The following KDM4C variants were observed in gnomAD, a reference collection of about 807,000 sequenced individuals.
KDM4C encodes lysine demethylase 4C.
In KDM4C, 81 loss-of-function variants were observed where a neutral mutation model predicts 129.3. The observed-to-expected ratio is 0.63, with a 90% CI of 0.52 to 0.75. The LOEUF (loss-of-function observed/expected upper bound fraction) is 0.75, where lower values mean the gene tolerates loss of function less well. Among genes scored for constraint, KDM4C ranks in the 30% least tolerant of loss-of-function variants. The pLI is 0.00. For missense variants in KDM4C, 1,457 were observed against 1,304.0 expected (o/e 1.12, Z -1.81); for synonymous variants, 573 against 456.1 (o/e 1.26, Z -3.26).
chr9:7,158,167 T>C (rs1342353218), intron 19 of KDM4C, among the ~76,000 whole-genome samples: 1 of 152,218 alleles, frequency 6.6e-6, no homozygotes, highest in African/African-American at 2.4e-5. Flanking sequence ...TATTCTCTGA[T>C]GGTAGTATTC....
intron 4 of KDM4C, among the ~76,000 whole-genome samples, chr9:6,815,530 A>G (rs1588464646): frequency 1.3e-5 from 2 of 152,154 alleles, no homozygotes; most frequent in South Asian, 2.1e-4. Flanking sequence ...TTTTCTTTCG[A>G]AAAATTTCTT....
At chr9:7,094,268 G>T (rs1836150313) in intron 17 of KDM4C, among the ~76,000 whole-genome samples, 1 of 152,222 alleles carries the variant, frequency 6.6e-6, no homozygotes, top group Admixed American at 6.5e-5. Context: ...TAGGATTCAG[G>T]CTTTAACAGT....
rs370225738 is a variant in KDM4C at position 6,817,171 on chromosome 9, GA to G, written c.435+2429del. ...AAAATAAAGTTGAATGGATATAGAT[GA>G]AAGAAGATTGGCCCCTCCCCCTGCC... On this transcript the variant is annotated intron_variant, in intron 4 of 21. Transcript: ENST00000381309. 3.1e-3 allele frequency among the ~76,000 whole-genome samples: 454 copies of G among 146,038 alleles called. 7 individuals carry two copies. Among genetic ancestry groups the G allele is most frequent in the African/African-American group, 0.01 (406 of 39,666 alleles).
At chr9:6,762,517 A>T (rs1417922261) in intron 1 of KDM4C, among the ~76,000 whole-genome samples, 1 of 151,938 alleles carries the variant, frequency 6.6e-6, no homozygotes, top group East Asian at 1.9e-4. Context: ...GTGTATCATA[A>T]TTAAAGTCAC....
At chr9:7,120,170 T>TC (rs398113190) in intron 18 of KDM4C, among the ~76,000 whole-genome samples, 1 of 151,792 alleles carries the variant, frequency 6.6e-6, no homozygotes, top group Non-Finnish European at 1.5e-5. Flanking sequence ...TTTTTTTTTT[T>TC]CATTGGATTT....
At chr9:6,928,789 T>C (rs10975903) in intron 8 of KDM4C, among the ~76,000 whole-genome samples, 13,382 of 152,200 alleles carry the variant, frequency 0.088, 1,651 homozygotes, top group African/African-American at 0.27. Context: ...GGCTACCCCT[T>C]GGCTCTGTCT....
chr9:6,724,756 C>T (rs1248256461), intron 1 of KDM4C, among the ~76,000 whole-genome samples: 1 of 152,134 alleles, frequency 6.6e-6, no homozygotes, highest in Non-Finnish European at 1.5e-5. Flanking sequence ...ATCTCGATCT[C>T]TTGACCTCGT....
chr9:7,151,144 C>G (rs959715311), intron 19 of KDM4C, among the ~76,000 whole-genome samples: 5 of 151,880 alleles, frequency 3.3e-5, no homozygotes, highest in African/African-American at 4.8e-5. Context: ...GACCTTGTCT[C>G]TATAAAAAGC....
At chr9:6,908,052 T>A (rs909945342) in intron 8 of KDM4C, among the ~76,000 whole-genome samples, 1 of 152,096 alleles carries the variant, frequency 6.6e-6, no homozygotes, top group Admixed American at 6.5e-5. Flanking sequence ...TGACCTAGAG[T>A]CTTAGAAGAT....
chr9:6,938,028 A>G (rs1270947132), intron 8 of KDM4C, among the ~76,000 whole-genome samples: 1 of 152,162 alleles, frequency 6.6e-6, no homozygotes, highest in African/African-American at 2.4e-5. Flanking sequence ...AATGTTTAAA[A>G]TTAATCATTT....
intron 3 of KDM4C, among the ~76,000 whole-genome samples, chr9:6,813,081 A>G (rs555223232): frequency 4.6e-5 from 7 of 152,166 alleles, no homozygotes; most frequent in Non-Finnish European, 7.4e-5. Flanking sequence ...AGGCTGAGGC[A>G]GGAGAATCCC....
intron 17 of KDM4C, among the ~76,000 whole-genome samples, chr9:7,060,464 T>TTA (rs888535945): frequency 4.4e-5 from 4 of 90,558 alleles, no homozygotes; most frequent in African/African-American, 3.7e-4. Context: ...GTTATTATTA[T>TTA]TATTATTATT....
chr9:7,100,362 C>T (rs1435346237), intron 17 of KDM4C, among the ~76,000 whole-genome samples: 8 of 151,916 alleles, frequency 5.3e-5, no homozygotes, highest in Non-Finnish European at 8.8e-5. Context: ...TTTTTTGAGA[C>T]AGAGTCTCAC....
intron 4 of KDM4C, among the ~76,000 whole-genome samples, chr9:6,847,555 T>C (rs1283427359): frequency 1.3e-5 from 2 of 152,098 alleles, no homozygotes; most frequent in Non-Finnish European, 2.9e-5. Flanking sequence ...CAGGCCTGGC[T>C]AATTTTTTGT....
chr9:6,999,762 T>TA (rs1266885283), intron 12 of KDM4C, among the ~76,000 whole-genome samples: 3 of 1,974 alleles, frequency 1.5e-3, no homozygotes, highest in African/African-American at 1.7e-3. Context: ...CGACTTGGCT[T>TA]ACGAATAGGT....
At chr9:7,029,963 T>C (rs753415177) in intron 15 of KDM4C, among the ~76,000 whole-genome samples, 134 of 152,154 alleles carry the variant, frequency 8.8e-4, no homozygotes, top group Non-Finnish European at 1.6e-3. Flanking sequence ...TCTAGGGAGC[T>C]TTTTTGTTAC....
At chr9:6,910,133 A>G (rs1420057566) in intron 8 of KDM4C, among the ~76,000 whole-genome samples, 1 of 152,174 alleles carries the variant, frequency 6.6e-6, no homozygotes, top group African/African-American at 2.4e-5. Flanking sequence ...AATTTGATAC[A>G]TCTGGTATGC....
chr9:6,730,507 C>T (rs34640702), intron 1 of KDM4C, among the ~76,000 whole-genome samples: 2,218 of 151,480 alleles, frequency 0.015, 23 homozygotes, highest in Non-Finnish European at 0.024. Flanking sequence ...TCCAGCTACT[C>T]GGGAGGCTGA....
chr9:7,023,473 T>G (rs565455902), intron 15 of KDM4C, among the ~76,000 whole-genome samples: 1 of 152,284 alleles, frequency 6.6e-6, no homozygotes, highest in South Asian at 2.1e-4. Flanking sequence ...TTCTGTAATA[T>G]CAGCTATAAT....
Sources: gnomAD v4.1 joint callset for allele counts (sites outside exome capture counted in the v4.1 genomes callset) on GRCh38, gnomAD v4.1.1 for gene constraint, MANE v1.5 for transcripts, NCBI Gene and HGNC (gene_info 2026-07-23, HGNC 2026-07-21) for gene names.